Variants in PTPRN2 observed in about 807,000 individuals in gnomAD.
PTPRN2 encodes the protein protein tyrosine phosphatase receptor type N2, also known as receptor-type tyrosine-protein phosphatase N2.
PTPRN2 carries 74 observed loss-of-function variants against 118.8 expected under a neutral mutation model. The ratio of observed to expected loss-of-function variants is 0.62; its 90% CI spans 0.52 to 0.76. The LOEUF is 0.76. Ranked by LOEUF, PTPRN2 falls within the 30% of genes least tolerant of loss-of-function variation. The pLI is 0.00. For synonymous variants in PTPRN2, 641 were observed against 608.0 expected, an observed-to-expected ratio of 1.05 and a Z score of -0.80; for missense variants, 1,481 against 1,394.4, an observed-to-expected ratio of 1.06 and a Z score of -0.99.
At chr7:158,135,235 G>A (rs1046670600) in intron 8 of PTPRN2, among the ~76,000 whole-genome samples, 4 of 152,120 alleles carry the variant, frequency 2.6e-5, no homozygotes, top group Admixed American at 6.5e-5. Context: ...ATTAAGGAAG[G>A]ACTATAGAGG....
rs574464725 is a variant in PTPRN2, at chr7:158,392,749, C to T, written c.164-75817G>A. Among the ~76,000 whole-genome samples, 27 of 152,308 alleles carry T rather than the reference C, an allele frequency of 1.8e-4. No individual in the cohort carries two copies. The East Asian group carries it at 2.7e-3, about 15-fold the overall frequency. ...GTCCTTGGAAGCCAAGCCGGAGCCTCGCCAGGACCCCACAGGCTTCCCGGT... is the reference window on the plus strand; with the variant it reads ...GTCCTTGGAAGCCAAGCCGGAGCCTTGCCAGGACCCCACAGGCTTCCCGGT... On this transcript the variant is annotated intron_variant, in intron 2 of 22. Coordinates refer to ENST00000389418, the MANE Select transcript of PTPRN2 (RefSeq NM_002847.5).
At chr7:158,001,642 C>T (rs1388025229) in intron 11 of PTPRN2, among the ~76,000 whole-genome samples, 2 of 152,040 alleles carry the variant, frequency 1.3e-5, no homozygotes, top group African/African-American at 2.4e-5. Flanking sequence ...GTAAAACGGC[C>T]GAAAACCATC....
chr7:158,402,362 C>A (rs542214961), intron 2 of PTPRN2, among the ~76,000 whole-genome samples: 1 of 152,208 alleles, frequency 6.6e-6, no homozygotes, highest in East Asian at 1.9e-4. Context: ...CGCAAATGAG[C>A]ACCTGCCTCA....
At chr7:157,746,097 A>G (rs1363576198) in intron 12 of PTPRN2, among the ~76,000 whole-genome samples, 2 of 147,086 alleles carry the variant, frequency 1.4e-5, no homozygotes, top group African/African-American at 2.5e-5. Flanking sequence ...CCTACACCCC[A>G]CAGTCCTCAC....
At chr7:158,142,275 A>C (rs1819458585) in intron 6 of PTPRN2, among the ~76,000 whole-genome samples, 1 of 152,202 alleles carries the variant, frequency 6.6e-6, no homozygotes, top group Non-Finnish European at 1.5e-5. Flanking sequence ...GGCAAGGACC[A>C]GACACGGGCA....
At chr7:157,555,559 G>A (rs1014430359) in intron 21 of PTPRN2, among the ~76,000 whole-genome samples, 7 of 152,174 alleles carry the variant, frequency 4.6e-5, no homozygotes, top group South Asian at 2.1e-4. Context: ...GGCCATCGTC[G>A]CCGTCTCCTG....
intron 6 of PTPRN2, among the ~76,000 whole-genome samples, chr7:158,150,350 G>C (rs1820847586): frequency 6.6e-6 from 1 of 152,180 alleles, no homozygotes; most frequent in South Asian, 2.1e-4. Context: ...TGAGTACCTG[G>C]GCTCACCAAG....
intron 12 of PTPRN2, among the ~76,000 whole-genome samples, chr7:157,741,415 C>A (rs1026017481): frequency 6.6e-6 from 1 of 152,190 alleles, no homozygotes; most frequent in African/African-American, 2.4e-5. Context: ...CTCTTAGTCC[C>A]CCACTGAAGG....
At chr7:158,424,421 C>T (rs1815521847) in intron 2 of PTPRN2, among the ~76,000 whole-genome samples, 1 of 152,184 alleles carries the variant, frequency 6.6e-6, no homozygotes, top group Admixed American at 6.5e-5. Flanking sequence ...ACACTAGCTC[C>T]GGGGGCCGAG....
At chr7:158,077,050 G>C (rs1310801414) in intron 11 of PTPRN2, among the ~76,000 whole-genome samples, 2 of 152,226 alleles carry the variant, frequency 1.3e-5, no homozygotes, top group South Asian at 4.1e-4. Flanking sequence ...TTCAAAATAA[G>C]CACGTTTGTC....
chr7:158,552,649 G>A (rs1826738873), intron 1 of PTPRN2, among the ~76,000 whole-genome samples: 1 of 152,178 alleles, frequency 6.6e-6, no homozygotes, highest in Non-Finnish European at 1.5e-5. Flanking sequence ...GTTTCACCAT[G>A]TTGGCCAGGC....
chr7:158,225,654 T>C (rs1438307169), intron 3 of PTPRN2, among the ~76,000 whole-genome samples: 4 of 152,150 alleles, frequency 2.6e-5, no homozygotes, highest in African/African-American at 7.2e-5. Flanking sequence ...TATAATAAAG[T>C]TATGAGCAAA....
chr7:158,476,548 G>A (rs953982157), intron 2 of PTPRN2, among the ~76,000 whole-genome samples: 5 of 152,220 alleles, frequency 3.3e-5, no homozygotes, highest in Non-Finnish European at 7.3e-5. Context: ...CACAGACGCC[G>A]CTCGGGAGGG....
At chr7:158,203,091 G>A (rs943175445) in intron 4 of PTPRN2, among the ~76,000 whole-genome samples, 2 of 151,918 alleles carry the variant, frequency 1.3e-5, no homozygotes, top group African/African-American at 4.8e-5. Flanking sequence ...AATTAGCTGG[G>A]TATGGTGGCG....
intron 11 of PTPRN2, among the ~76,000 whole-genome samples, chr7:158,023,377 G>A (rs1807044714): frequency 6.6e-6 from 1 of 152,140 alleles, no homozygotes; most frequent in African/African-American, 2.4e-5. Context: ...CGTGGCCAGT[G>A]CTGCTCCCAA....
intron 11 of PTPRN2, among the ~76,000 whole-genome samples, chr7:158,070,508 G>A (rs1194950454): frequency 3.6e-5 from 5 of 140,408 alleles, no homozygotes; most frequent in African/African-American, 1.1e-4. Context: ...GCCCGTGGTG[G>A]TGGAGGTGCT....
At chr7:158,354,883 C>A (rs1808268741) in intron 2 of PTPRN2, among the ~76,000 whole-genome samples, 1 of 152,290 alleles carries the variant, frequency 6.6e-6, no homozygotes, top group African/African-American at 2.4e-5. Context: ...AATAATTAAA[C>A]TGTCAAAGCT....
At position 158,134,017 on chromosome 7, in the gene PTPRN2, G is replaced by T. The variant is rs750817315; in HGVS notation, c.1216C>A (p.His406Asn). Residue 406 changes from histidine to asparagine, a missense_variant, in exon 9 of 23, where the codon CAC becomes AAC. Transcript: ENST00000389418. ...GCTCCAGGTAAGAGTCGAGACCCGT[G>T]GTCCTGCAGGAGGCCCCCGAGTGTG... ...SATLGGLLQD[H>N]GSRLLPGALP... The T allele has an allele frequency of 1.9e-6, 3 of 1,613,942 alleles. No individual in the cohort carries two copies. The highest frequency in any genetic ancestry group is 2.2e-5 in the East Asian group (1 of 44,880).
chr7:157,620,707 G>A (rs1361586520), intron 15 of PTPRN2, among the ~76,000 whole-genome samples: 1 of 152,212 alleles, frequency 6.6e-6, no homozygotes, highest in Non-Finnish European at 1.5e-5. Context: ...TGGAGGAAAG[G>A]AAGACACTGG....
Sources: allele counts gnomAD v4.1 joint callset (sites outside exome capture counted in the v4.1 genomes callset), GRCh38; gene constraint gnomAD v4.1.1; transcripts MANE v1.5; gene names NCBI Gene and HGNC (gene_info 2026-07-23, HGNC 2026-07-21).